Variants in INPP4B observed in about 807,000 individuals in gnomAD.
INPP4B encodes inositol polyphosphate 4-phosphatase type II.
Under a neutral mutation model 122.5 loss-of-function variants are expected in INPP4B, and 55 were observed. The observed-to-expected ratio is 0.45, with a 90% CI of 0.36 to 0.56. The LOEUF (loss-of-function observed/expected upper bound fraction) is 0.56, where lower values mean the gene tolerates loss of function less well. Ranked by LOEUF, INPP4B falls within the 20% of genes least tolerant of loss-of-function variation. The pLI is 0.00. For synonymous variants in INPP4B, 403 were observed against 388.7 expected (o/e 1.04, Z -0.43); for missense variants, 1,000 against 1,097.7 (o/e 0.91, Z 1.26).
At chr4:142,398,159 A>G (rs1799987656) in intron 7 of INPP4B, among the ~76,000 whole-genome samples, 1 of 151,246 alleles carries the variant, frequency 6.6e-6, no homozygotes, top group Non-Finnish European at 1.5e-5. Flanking sequence ...GCGGATCACG[A>G]GGTCAGGAGA....
chr4:142,564,376 G>T (rs1731117830), intron 2 of INPP4B, among the ~76,000 whole-genome samples: 2 of 146,720 alleles, frequency 1.4e-5, no homozygotes, highest in African/African-American at 2.5e-5. Flanking sequence ...AAGTAAAATA[G>T]CAAGGCATAA....
In INPP4B at chr4:142,792,256, A is replaced by C. The variant is rs116562079; in HGVS notation, c.-254+53953T>G. On this transcript the variant is annotated intron_variant, in intron 1 of 25. Transcript: ENST00000262992. ...GTAAGACTCTATAAATAAATACATA[A>C]ATTTTTATTATTTTTTAGAAAATGT... Among the ~76,000 whole-genome samples, 1,391 of 152,016 alleles carry C rather than the reference A, an allele frequency of 9.2e-3. 26 individuals carry two copies. Among genetic ancestry groups the C allele is most frequent in the African/African-American group, 0.031 (1,294 of 41,506 alleles).
chr4:142,510,594 T>C (rs530432844), intron 2 of INPP4B, among the ~76,000 whole-genome samples: 1 of 152,300 alleles, frequency 6.6e-6, no homozygotes, highest in Middle Eastern at 3.4e-3. Context: ...TGCAAATTAA[T>C]TTGGCTTATT....
At chr4:142,143,357 T>C (rs1037750315) in intron 18 of INPP4B, among the ~76,000 whole-genome samples, 16 of 1,984 alleles carry the variant, frequency 8.1e-3, no homozygotes, top group South Asian at 0.2. Flanking sequence ...TATAAGCATC[T>C]GTACTGAGAT....
At position 142,431,288 on chromosome 4, in the gene INPP4B, C is replaced by A. The variant is rs773704318; in HGVS notation, c.-29G>T. On this transcript the variant is annotated 5_prime_UTR_variant, in exon 4 of 26. Coordinates refer to ENST00000262992, the MANE Select transcript of INPP4B (RefSeq NM_001101669.3). ...CAACCTTCACAGTTTTAAAATTTTC[C>A]AAATTTTCTTGTCCAAATGTCAGTT... 6.4e-7 allele frequency: 1 copy of A among 1,564,870 alleles called. No homozygotes were observed. The highest frequency in any genetic ancestry group is 8.8e-7 in the Non-Finnish European group (1 of 1,136,160).
intron 7 of INPP4B, among the ~76,000 whole-genome samples, chr4:142,336,596 C>G (rs746773153): frequency 6.6e-6 from 1 of 152,240 alleles, no homozygotes; most frequent in Non-Finnish European, 1.5e-5. Flanking sequence ...AATAACACCC[C>G]CTGGGGCTTC....
intron 18 of INPP4B, among the ~76,000 whole-genome samples, chr4:142,143,146 G>A (rs757693950): frequency 6.6e-6 from 1 of 151,968 alleles, no homozygotes; most frequent in African/African-American, 2.4e-5. Flanking sequence ...CCACTCCTTG[G>A]TTTTTTACTA....
chr4:142,549,315 AGT>A (rs1727415651), intron 2 of INPP4B, among the ~76,000 whole-genome samples: 1 of 152,058 alleles, frequency 6.6e-6, no homozygotes. Context: ...TAGGTGGGGT[AGT>A]TCTGGAATGT....
intron 1 of INPP4B, among the ~76,000 whole-genome samples, chr4:142,803,990 TGGA>T (rs1778356004): frequency 6.6e-6 from 1 of 151,114 alleles, no homozygotes; most frequent in African/African-American, 2.4e-5. Context: ...ACCCGGGAGG[TGGA>T]GGTTGCAGTG....
chr4:142,122,196 T>C lies in INPP4B; in HGVS notation c.2067A>G (p.Leu689=). The change falls in exon 21 of 26, where the codon TTA becomes TTG. Residue 689 remains leucine, a synonymous_variant. Transcript: ENST00000262992. ...CAATTATTTTAAATGCAACTTTCTTTAAATCGGAAATGCCAACGGCCATGT... is the reference window on the plus strand; with the variant it reads ...CAATTATTTTAAATGCAACTTTCTTCAAATCGGAAATGCCAACGGCCATGT... ...LEDMAVGISD[L]KKVAFKIIEA... is the part of the protein sequence containing the mutation. 1 of 1,612,166 alleles carries C rather than the reference T, an allele frequency of 6.2e-7. No individual in the cohort carries two copies. The highest frequency in any genetic ancestry group is 8.5e-7 in the Non-Finnish European group (1 of 1,179,084).
intron 25 of INPP4B, among the ~76,000 whole-genome samples, chr4:142,038,475 G>GA (rs1745318981): frequency 6.6e-6 from 1 of 152,180 alleles, no homozygotes; most frequent in African/African-American, 2.4e-5. Context: ...TGCTACAAAA[G>GA]AAAGAGCAAT....
At chr4:142,348,372 T>A (rs1441588289) in intron 7 of INPP4B, among the ~76,000 whole-genome samples, 2 of 152,006 alleles carry the variant, frequency 1.3e-5, no homozygotes, top group African/African-American at 4.8e-5. Context: ...TTGGTCTTGT[T>A]TAAGGAAAAT....
chr4:142,029,345 T>C, intron 25 of INPP4B: 1 of 984,772 alleles, frequency 1.0e-6, no homozygotes, highest in Non-Finnish European at 1.2e-6. Flanking sequence ...GCCCTATAGA[T>C]TTTTAAAGAA....
chr4:142,099,714 G>A (rs556090905), intron 23 of INPP4B, among the ~76,000 whole-genome samples: 2 of 151,990 alleles, frequency 1.3e-5, no homozygotes, highest in Non-Finnish European at 1.5e-5. Flanking sequence ...TATAAATCAA[G>A]GTAATCTCAC....
chr4:142,100,144 A>G (rs1783858110), intron 23 of INPP4B, among the ~76,000 whole-genome samples: 1 of 152,088 alleles, frequency 6.6e-6, no homozygotes, highest in South Asian at 2.1e-4. Flanking sequence ...TGTATGTACC[A>G]TTCCCATTCT....
At chr4:142,612,336 G>A (rs1742726339) in intron 2 of INPP4B, among the ~76,000 whole-genome samples, 1 of 152,192 alleles carries the variant, frequency 6.6e-6, no homozygotes, top group Non-Finnish European at 1.5e-5. Flanking sequence ...AACTAAGAAA[G>A]TAATTAGGCC....
chr4:142,677,357 G>A lies in INPP4B; in HGVS notation c.-191+48482C>T, dbSNP rs1356544682. ...GTCAGGAAACAACAGATGCTGGAGA[G>A]GGTGGGGAGAAATAGGAACGCTTTT... On this transcript the variant is annotated intron_variant, in intron 2 of 25. Transcript: ENST00000262992. 1.3e-5 allele frequency among the ~76,000 whole-genome samples: 2 copies of A among 152,260 alleles called. 1 individual carries two copies. Among genetic ancestry groups the A allele is most frequent in the South Asian group, 4.1e-4 (2 of 4,824 alleles).
intron 1 of INPP4B, among the ~76,000 whole-genome samples, chr4:142,736,368 T>C (rs1766895938): frequency 6.6e-6 from 1 of 152,218 alleles, no homozygotes; most frequent in Non-Finnish European, 1.5e-5. Context: ...ATTAATAATA[T>C]GGAATGCTTC....
intron 2 of INPP4B, among the ~76,000 whole-genome samples, chr4:142,627,399 T>C (rs1005298898): frequency 2.7e-5 from 4 of 146,396 alleles, no homozygotes; most frequent in Non-Finnish European, 6.0e-5. Flanking sequence ...TTGTCATAGA[T>C]AGCTCTTATT....
Sources: allele counts gnomAD v4.1 joint callset (sites outside exome capture counted in the v4.1 genomes callset), GRCh38; gene constraint gnomAD v4.1.1; transcripts MANE v1.5; gene names NCBI Gene and HGNC (gene_info 2026-07-23, HGNC 2026-07-21).